The following LEF1 variants were observed in gnomAD, a reference collection of about 807,000 sequenced individuals.
LEF1 encodes the protein lymphoid enhancer binding factor 1, also known as lymphoid enhancer-binding factor 1.
In LEF1, 14 loss-of-function variants were observed where a neutral mutation model predicts 51.2. The observed-to-expected ratio is 0.27, with a 90% CI of 0.18 to 0.43. The LOEUF (loss-of-function observed/expected upper bound fraction) is 0.43. Among genes scored for constraint, LEF1 ranks in the 20% least tolerant of loss-of-function variants. The pLI is 1.00. For missense variants in LEF1, 386 were observed against 512.0 expected (o/e 0.75, Z 2.37); for synonymous variants, 185 against 183.2 (o/e 1.01, Z -0.08).
chr4:108,156,014 TG>T (rs925269420), intron 3 of LEF1, among the ~76,000 whole-genome samples: 3 of 152,110 alleles, frequency 2.0e-5, no homozygotes, highest in African/African-American at 7.2e-5. Flanking sequence ...CTCGTGATAC[TG>T]AAAAAAAAGT....
intron 3 of LEF1, among the ~76,000 whole-genome samples, chr4:108,099,397 A>G (rs1740597434): frequency 2.0e-5 from 3 of 151,258 alleles, no homozygotes; most frequent in Admixed American, 2.0e-4. Context: ...AAGAACTCTT[A>G]TGGGTAAAAA....
At chr4:108,104,710 C>A (rs1741046838) in intron 3 of LEF1, 1 of 983,452 alleles carries the variant, frequency 1.0e-6, no homozygotes, top group Non-Finnish European at 1.2e-6. Flanking sequence ...TCCCCGCCCT[C>A]AATTCCTGGG....
chr4:108,131,076 A>G (rs1035754283), intron 3 of LEF1, among the ~76,000 whole-genome samples: 8 of 151,968 alleles, frequency 5.3e-5, no homozygotes, highest in Non-Finnish European at 1.2e-4. Flanking sequence ...CCTGGACTCA[A>G]GTGATCCTCC....
chr4:108,082,423 A>T (rs1739368117), intron 5 of LEF1, among the ~76,000 whole-genome samples: 1 of 152,146 alleles, frequency 6.6e-6, no homozygotes, highest in Non-Finnish European at 1.5e-5. Context: ...CTAGGGAGAG[A>T]GAGAGAGAAA....
At chr4:108,050,070 G>C (rs1736880068) in intron 11 of LEF1, among the ~76,000 whole-genome samples, 2 of 152,198 alleles carry the variant, frequency 1.3e-5, no homozygotes, top group African/African-American at 4.8e-5. Flanking sequence ...CTGCAAAGAA[G>C]CTATTTGTAT....
At chr4:108,051,519 G>A (rs1000238501) in intron 11 of LEF1, among the ~76,000 whole-genome samples, 2 of 152,208 alleles carry the variant, frequency 1.3e-5, no homozygotes, top group African/African-American at 2.4e-5. Flanking sequence ...CTGAAGCTGG[G>A]CCAGGCCAGG....
At chr4:108,138,338 T>C (rs191728104) in intron 3 of LEF1, among the ~76,000 whole-genome samples, 106 of 152,326 alleles carry the variant, frequency 7.0e-4, no homozygotes, top group African/African-American at 2.5e-3. Flanking sequence ...TTGCATTGCC[T>C]TTACACAAGC....
intron 3 of LEF1, among the ~76,000 whole-genome samples, chr4:108,157,179 TACACACACACACACACAC>T (rs59867246): frequency 1.7e-5 from 2 of 116,740 alleles, no homozygotes; most frequent in African/African-American, 3.3e-5. Flanking sequence ...TATATATATA[TACACACACACACACACAC>T]ACACACACAC....
chr4:108,084,783 T>C (rs1394652385), intron 4 of LEF1, among the ~76,000 whole-genome samples: 2 of 152,182 alleles, frequency 1.3e-5, no homozygotes, highest in South Asian at 2.1e-4. Context: ...CAGCAGAACA[T>C]AAATTTTTTA....
intron 3 of LEF1, among the ~76,000 whole-genome samples, chr4:108,130,662 A>G (rs1021791445): frequency 5.3e-5 from 8 of 151,536 alleles, no homozygotes; most frequent in Non-Finnish European, 1.0e-4. Context: ...CCCAGGAGGC[A>G]GAGGTTGCAG....
intron 11 of LEF1, among the ~76,000 whole-genome samples, chr4:108,059,784 C>G (rs1325470191): frequency 6.6e-6 from 1 of 152,142 alleles, no homozygotes; most frequent in Non-Finnish European, 1.5e-5. Context: ...CTCACTGCAG[C>G]CTTGACATCC....
chr4:108,051,740 A>AC (rs1324635504), intron 11 of LEF1, among the ~76,000 whole-genome samples: 1 of 151,708 alleles, frequency 6.6e-6, no homozygotes, highest in East Asian at 1.9e-4. Flanking sequence ...ATATAACCGA[A>AC]CCCCCCTGAT....
intron 6 of LEF1, 41 bp downstream of exon 6, chr4:108,081,545 G>A (rs1246789632): frequency 2.0e-6 from 3 of 1,523,500 alleles, no homozygotes; most frequent in East Asian, 2.3e-5. Context: ...CACGAGAAGA[G>A]CAACTTGTCC....
At chr4:108,131,532 C>T (rs1231022241) in intron 3 of LEF1, among the ~76,000 whole-genome samples, 1 of 152,066 alleles carries the variant, frequency 6.6e-6, no homozygotes, top group Non-Finnish European at 1.5e-5. Context: ...TTTGGAAACA[C>T]TCTAAACTCA....
chr4:108,051,897 C>A (rs1737019030), intron 11 of LEF1, among the ~76,000 whole-genome samples: 1 of 152,118 alleles, frequency 6.6e-6, no homozygotes, highest in South Asian at 2.1e-4. Flanking sequence ...TCTGGGAGGT[C>A]AACAGCACCG....
At chr4:108,158,722 T>C (rs1456274604) in intron 3 of LEF1, among the ~76,000 whole-genome samples, 1 of 144,514 alleles carries the variant, frequency 6.9e-6, no homozygotes. Context: ...TAAAGAACAT[T>C]AAAAAAAAAA....
intron 9 of LEF1, among the ~76,000 whole-genome samples, chr4:108,068,418 T>C (rs565547225): frequency 3.3e-5 from 5 of 152,210 alleles, no homozygotes; most frequent in Non-Finnish European, 7.3e-5. Context: ...AGGCCTTGCA[T>C]AAATTACCTA....
intron 3 of LEF1, among the ~76,000 whole-genome samples, chr4:108,130,792 C>T (rs530618954): frequency 7.2e-4 from 110 of 151,990 alleles, no homozygotes; most frequent in Middle Eastern, 3.4e-3. Context: ...CATTCCCTTC[C>T]TTGCCCTTCC....
chr4:108,054,095 T>G (rs10025431), intron 11 of LEF1, among the ~76,000 whole-genome samples: 110,100 of 152,112 alleles, frequency 0.72, 43,242 homozygotes, highest in East Asian at 0.97. Context: ...AGGGAGGTGA[T>G]AACTTGTATG....
Sources: gnomAD v4.1 joint callset for allele counts (sites outside exome capture counted in the v4.1 genomes callset) on GRCh38, gnomAD v4.1.1 for gene constraint, MANE v1.5 for transcripts, NCBI Gene and HGNC (gene_info 2026-07-23, HGNC 2026-07-21) for gene names.